CLPB: variants seen among roughly 807,000 people sequenced by gnomAD.
CLPB encodes the protein mitochondrial disaggregase.
In CLPB, 40 loss-of-function variants were observed where a neutral mutation model predicts 78.4. That is an observed-to-expected ratio of 0.51 (90% CI 0.40 to 0.66). The LOEUF is 0.66. CLPB is among the 30% of genes least tolerant of loss of function. The pLI is 0.00. For missense variants in CLPB, 780 were observed against 886.9 expected (o/e 0.88, Z 1.53); for synonymous variants, 333 against 348.0 (o/e 0.96, Z 0.48).
At chr11:72,391,344 T>C (rs1232319958) in intron 3 of CLPB, among the ~76,000 whole-genome samples, 1 of 152,204 alleles carries the variant, frequency 6.6e-6, no homozygotes, top group Admixed American at 6.5e-5. Context: ...TATGAGTCCA[T>C]GCTCTTTCTC....
intron 12 of CLPB, 63 bp from the exon 13 acceptor site, chr11:72,294,756 GC>G: frequency 2.2e-6 from 3 of 1,358,942 alleles, no homozygotes; most frequent in Non-Finnish European, 3.2e-6. Flanking sequence ...GGCTGTGCCT[GC>G]CCCTTGGCCT....
rs1034915494 is a variant in CLPB at position 72,385,792 on chromosome 11, A to G, written c.543-5408T>C. Among the ~76,000 whole-genome samples, 5 of 152,236 alleles carry G rather than the reference A, an allele frequency of 3.3e-5. No individual in the cohort carries two copies. In the East Asian group the frequency reaches 9.6e-4, roughly 29 times the overall value. ...GAGCCGAGATCGCGCCACTGCATCAAGCCTGGGCGACACAGCAAGACGCCG... is the reference window on the plus strand; with the variant it reads ...GAGCCGAGATCGCGCCACTGCATCAGGCCTGGGCGACACAGCAAGACGCCG... On this transcript the variant is annotated intron_variant, in intron 3 of 15. Transcript: ENST00000538039.
chr11:72,379,246 A>T (rs1369208695), intron 4 of CLPB, among the ~76,000 whole-genome samples: 1 of 152,196 alleles, frequency 6.6e-6, no homozygotes, highest in African/African-American at 2.4e-5. Context: ...GCTCTCAGGC[A>T]GTCAGAGAGG....
At chr11:72,419,428 A>G (rs1412538885) in intron 2 of CLPB, among the ~76,000 whole-genome samples, 1 of 152,184 alleles carries the variant, frequency 6.6e-6, no homozygotes, top group Non-Finnish European at 1.5e-5. Flanking sequence ...AGGCACTCAC[A>G]TTAGTTCCTC....
chr11:72,418,732 G>A (rs2135131831), intron 2 of CLPB, among the ~76,000 whole-genome samples: 1 of 151,956 alleles, frequency 6.6e-6, no homozygotes, highest in Admixed American at 6.6e-5. Flanking sequence ...GCACACACCT[G>A]TAATCCCAGC....
rs148045416 is a variant in CLPB, at chr11:72,415,370, T to C, written c.456-12318A>G. Among the ~76,000 whole-genome samples, 671 of 152,304 alleles carry C rather than the reference T, an allele frequency of 4.4e-3. 7 individuals are homozygous for C. The highest frequency in any genetic ancestry group is 0.015 in the African/African-American group (638 of 41,564). On this transcript the variant is annotated intron_variant, in intron 2 of 15. Transcript: ENST00000538039. ...GCGTCAGCACACCATAGTTGTCTGA[T>C]GGGACCAATCAGCTGACAGAAAATA...
intron 5 of CLPB, among the ~76,000 whole-genome samples, chr11:72,330,946 G>GT (rs1950213004): frequency 6.6e-6 from 1 of 152,162 alleles, no homozygotes; most frequent in Non-Finnish European, 1.5e-5. Flanking sequence ...CTCAGGGTAG[G>GT]TGTCCAGCCA....
At chr11:72,381,653 T>C (rs1351973655) in intron 3 of CLPB, among the ~76,000 whole-genome samples, 1 of 151,986 alleles carries the variant, frequency 6.6e-6, no homozygotes. Flanking sequence ...TAGCACTGGG[T>C]CAGCCTGACA....
intron 1 of CLPB, chr11:72,430,621 T>C (rs529001419): frequency 3.9e-5 from 19 of 492,464 alleles, no homozygotes; most frequent in African/African-American, 3.7e-4. Flanking sequence ...GCAGGTCAAC[T>C]GCTAGCACCA....
chr11:72,373,934 T>C (rs1183260371), intron 4 of CLPB, among the ~76,000 whole-genome samples: 5 of 133,378 alleles, frequency 3.7e-5, no homozygotes, highest in Admixed American at 8.5e-5. Flanking sequence ...CACTCCAGTC[T>C]GGGTAACAAG....
chr11:72,418,809 C>T (rs1445378343), intron 2 of CLPB, among the ~76,000 whole-genome samples: 2 of 148,052 alleles, frequency 1.4e-5, no homozygotes, highest in Admixed American at 6.8e-5. Flanking sequence ...GAGCTGAGAT[C>T]GTACCACTGC....
Position 72,285,684 on chromosome 11 carries a change from C to G in CLPB, c.*7683G>C, listed in dbSNP as rs1438678741. 1 of 152,004 alleles carries G rather than the reference C, an allele frequency of 6.6e-6. No homozygotes were observed. The highest frequency in any genetic ancestry group is 1.5e-5 in the Non-Finnish European group (1 of 68,008). The allele number at this position is 152,004 out of a possible 1,614,324, so 9.4% of individuals were successfully genotyped here. The stretch of plus-strand genomic sequence containing the variant: ...GAACAGGTAATACATTAATATGGTT[C>G]AAAGCTTACTAAAAAGTATTTAAAA... On this transcript the variant is annotated 3_prime_UTR_variant, in exon 16 of 16. Coordinates refer to ENST00000538039, the MANE Select transcript of CLPB (RefSeq NM_001258392.3).
At chr11:72,393,588 T>C (rs750120128) in intron 3 of CLPB, among the ~76,000 whole-genome samples, 2 of 152,148 alleles carry the variant, frequency 1.3e-5, no homozygotes, top group Non-Finnish European at 2.9e-5. Context: ...ATAGTATACA[T>C]AAGTAGACTG....
intron 2 of CLPB, among the ~76,000 whole-genome samples, chr11:72,427,836 A>ATATT (rs1856432016): frequency 1.3e-5 from 2 of 152,212 alleles, no homozygotes; most frequent in African/African-American, 4.8e-5. Context: ...ATTCAAAGAA[A>ATATT]TAAATGAGTA....
chr11:72,374,838 A>AC (rs1217254355), intron 4 of CLPB, among the ~76,000 whole-genome samples: 1 of 151,936 alleles, frequency 6.6e-6, no homozygotes, highest in Non-Finnish European at 1.5e-5. Flanking sequence ...TCCTCCTACC[A>AC]CCCCCTCACT....
At chr11:72,400,342 T>C (rs1314632181) in intron 3 of CLPB, among the ~76,000 whole-genome samples, 1 of 152,080 alleles carries the variant, frequency 6.6e-6, no homozygotes, top group African/African-American at 2.4e-5. Flanking sequence ...TAATTAGTCC[T>C]AGGAACCAAA....
rs1050383880 is a variant in CLPB at position 72,292,836 on chromosome 11, T to C, written c.*531A>G. 6.5e-6 allele frequency: 1 copy of C among 154,126 alleles called. No homozygotes were observed. Among genetic ancestry groups the C allele is most frequent in the African/African-American group, 2.4e-5 (1 of 41,344 alleles). The allele number at this position is 154,126 out of a possible 1,614,324, so 9.5% of individuals were successfully genotyped here. ...GTCCCTTCCCCTTAGAATTTTAGGG[T>C]AGGGAACGAGGAGGCTACAGACTAA... On this transcript the variant is annotated 3_prime_UTR_variant, in exon 16 of 16. Coordinates refer to ENST00000538039, the MANE Select transcript of CLPB (RefSeq NM_001258392.3).
At chr11:72,331,334 G>T (rs1052483230) in intron 5 of CLPB, among the ~76,000 whole-genome samples, 3 of 151,472 alleles carry the variant, frequency 2.0e-5, no homozygotes, top group Non-Finnish European at 4.4e-5. Flanking sequence ...AACCCGGGAG[G>T]CGGAGCTTGC....
chr11:72,359,675 A>G (rs1380217566), intron 4 of CLPB, among the ~76,000 whole-genome samples: 1 of 152,234 alleles, frequency 6.6e-6, no homozygotes, highest in Non-Finnish European at 1.5e-5. Flanking sequence ...TTGAGAAACT[A>G]TGTGTCAGAT....
Sources: allele counts gnomAD v4.1 joint callset (sites outside exome capture counted in the v4.1 genomes callset), GRCh38; gene constraint gnomAD v4.1.1; transcripts MANE v1.5; gene names NCBI Gene and HGNC (gene_info 2026-07-23, HGNC 2026-07-21).